The following LHFPL3 variants were observed in gnomAD, a reference collection of about 807,000 sequenced individuals.
The protein encoded by LHFPL3 is LHFPL tetraspan subfamily member 3 protein.
Under a neutral mutation model 19.3 loss-of-function variants are expected in LHFPL3, and 5 were observed. The observed-to-expected ratio is 0.26, with a 90% confidence interval of 0.14 to 0.54. The LOEUF (loss-of-function observed/expected upper bound fraction) is 0.54, where lower values mean the gene tolerates loss of function less well. Among genes scored for constraint, LHFPL3 ranks in the 20% least tolerant of loss-of-function variants. LHFPL3 has a pLI of 0.94. For missense variants in LHFPL3, 249 were observed against 307.4 expected (o/e 0.81, Z 1.42); for synonymous variants, 133 against 126.2 (o/e 1.05, Z -0.36).
At chr7:104,364,463 G>A (rs1017926446) in intron 1 of LHFPL3, among the ~76,000 whole-genome samples, 1 of 152,208 alleles carries the variant, frequency 6.6e-6, no homozygotes, top group African/African-American at 2.4e-5. Flanking sequence ...TTGCAAAGCT[G>A]GCAGTAGAAG....
intron 1 of LHFPL3, among the ~76,000 whole-genome samples, chr7:104,591,883 A>G (rs1245495238): frequency 6.6e-6 from 1 of 152,166 alleles, no homozygotes; most frequent in Non-Finnish European, 1.5e-5. Context: ...AATCACTGAT[A>G]CCCTTTCTTC....
chr7:104,651,339 C>A (rs1022209973), intron 1 of LHFPL3, among the ~76,000 whole-genome samples: 5 of 152,172 alleles, frequency 3.3e-5, no homozygotes, highest in South Asian at 2.1e-4. Flanking sequence ...GATTTTAAAC[C>A]TTAGGATAGC....
chr7:104,723,228 C>T (rs1365541708), intron 1 of LHFPL3, among the ~76,000 whole-genome samples: 2 of 152,106 alleles, frequency 1.3e-5, no homozygotes, highest in African/African-American at 4.8e-5. Context: ...GCATCAGTAG[C>T]CTCTACACAG....
intron 1 of LHFPL3, among the ~76,000 whole-genome samples, chr7:104,439,432 T>C (rs1394077569): frequency 2.0e-5 from 3 of 152,084 alleles, no homozygotes; most frequent in Non-Finnish European, 4.4e-5. Flanking sequence ...ATATATATAG[T>C]ATATATACAC....
At chr7:104,407,611 G>T (rs1295469885) in intron 1 of LHFPL3, among the ~76,000 whole-genome samples, 3 of 152,196 alleles carry the variant, frequency 2.0e-5, no homozygotes, top group African/African-American at 7.2e-5. Flanking sequence ...AGCTGAGATT[G>T]CGCCATTGCA....
intron 2 of LHFPL3, among the ~76,000 whole-genome samples, chr7:104,824,051 CA>C (rs1461379231): frequency 7.1e-4 from 100 of 140,388 alleles, no homozygotes; most frequent in African/African-American, 1.1e-3. Flanking sequence ...GAGGCTGAGG[CA>C]GGGGAATCAC....
intron 2 of LHFPL3, chr7:104,803,477 G>A (rs1250468446): frequency 6.6e-6 from 1 of 152,142 alleles, no homozygotes; most frequent in Non-Finnish European, 1.5e-5. Context: ...AACTCCTAAA[G>A]GGCAAGAACC....
chr7:104,596,030 C>A (rs1332009686), intron 1 of LHFPL3, among the ~76,000 whole-genome samples: 1 of 152,232 alleles, frequency 6.6e-6, no homozygotes, highest in Admixed American at 6.5e-5. Context: ...TGAGACAATA[C>A]CCCACCCTGC....
intron 1 of LHFPL3, among the ~76,000 whole-genome samples, chr7:104,405,064 G>A (rs979544423): frequency 6.6e-6 from 1 of 152,126 alleles, no homozygotes; most frequent in African/African-American, 2.4e-5. Flanking sequence ...GAAGTATTTG[G>A]ATGAGTGTGT....
At chr7:104,690,463 T>C (rs981876967) in intron 1 of LHFPL3, among the ~76,000 whole-genome samples, 1 of 152,338 alleles carries the variant, frequency 6.6e-6, no homozygotes, top group East Asian at 1.9e-4. Flanking sequence ...TTCCCTTCCA[T>C]AAGATATCAC....
At chr7:104,875,488 T>C (rs2116669516) in intron 2 of LHFPL3, among the ~76,000 whole-genome samples, 1 of 152,314 alleles carries the variant, frequency 6.6e-6, no homozygotes, top group East Asian at 1.9e-4. Flanking sequence ...TCTGGGTGAA[T>C]TACTCATAGT....
intron 2 of LHFPL3, among the ~76,000 whole-genome samples, chr7:104,873,640 A>G (rs538442957): frequency 1.3e-5 from 2 of 151,620 alleles, no homozygotes; most frequent in South Asian, 2.1e-4. Flanking sequence ...AAAAGGAAAG[A>G]AAAAAAAACT....
intron 1 of LHFPL3, among the ~76,000 whole-genome samples, chr7:104,580,397 CA>C (rs1790436334): frequency 6.6e-6 from 1 of 152,154 alleles, no homozygotes; most frequent in African/African-American, 2.4e-5. Context: ...ATGTACTTGC[CA>C]CCTAGATTCT....
At position 104,578,698 on chromosome 7, in the gene LHFPL3, G is replaced by A. The variant is rs192756062; in HGVS notation, c.446-157977G>A. Among the ~76,000 whole-genome samples the A allele has an allele frequency of 3.3e-5, 5 of 152,162 alleles. No homozygotes were observed. In the East Asian group the frequency reaches 7.7e-4, roughly 24 times the overall value. On this transcript the variant is annotated intron_variant, in intron 1 of 2. Transcript: ENST00000424859. ...CTACCGTGATAGATTGTGCTTGACA[G>A]TACCCCCCTACCCCCAACCAGTAAG...
rs142676283 is a variant in LHFPL3, at chr7:104,526,627, A to G, written c.445+197403A>G. On this transcript the variant is annotated intron_variant, in intron 1 of 2. Coordinates refer to ENST00000424859, the MANE Select transcript of LHFPL3 (RefSeq NM_199000.3). Reference sequence around the variant, plus strand: ...GCATTTCTTCAAAATAGTGATGAACAATCATATTGACTTAAGAAATGTTAC... The same window carrying G: ...GCATTTCTTCAAAATAGTGATGAACGATCATATTGACTTAAGAAATGTTAC... 6.3e-3 allele frequency among the ~76,000 whole-genome samples: 965 copies of G among 152,328 alleles called. 12 individuals are homozygous for G. Among genetic ancestry groups the G allele is most frequent in the African/African-American group, 0.021 (888 of 41,578 alleles).
At chr7:104,843,880 A>G (rs988810966) in intron 2 of LHFPL3, among the ~76,000 whole-genome samples, 2 of 152,188 alleles carry the variant, frequency 1.3e-5, no homozygotes, top group Non-Finnish European at 2.9e-5. Flanking sequence ...ATGTTTTTAA[A>G]TAAGATCTGT....
rs552913990 is a variant in LHFPL3 at position 104,470,215 on chromosome 7, T to C, written c.445+140991T>C. Among the ~76,000 whole-genome samples the C allele has an allele frequency of 3.3e-5, 5 of 152,322 alleles. No homozygotes were observed. In the South Asian group the frequency reaches 1.0e-3, roughly 32 times the overall value. ...AAAAGCAAGAAATGGAAAAAAATGA[T>C]CAGTCAAAATGGCTTTAAGCCTAAC... On this transcript the variant is annotated intron_variant, in intron 1 of 2. Transcript: ENST00000424859.
intron 1 of LHFPL3, among the ~76,000 whole-genome samples, chr7:104,722,395 C>A (rs1231405533): frequency 6.6e-6 from 1 of 152,248 alleles, no homozygotes; most frequent in East Asian, 1.9e-4. Context: ...ATTTTCTTTT[C>A]TCCTCTATCT....
intron 1 of LHFPL3, among the ~76,000 whole-genome samples, chr7:104,485,583 C>G (rs1455940099): frequency 1.3e-5 from 2 of 152,114 alleles, no homozygotes; most frequent in African/African-American, 2.4e-5. Context: ...TGTATTTTCC[C>G]TTGATGCTCT....
Sources: allele counts gnomAD v4.1 joint callset (sites outside exome capture counted in the v4.1 genomes callset), GRCh38; gene constraint gnomAD v4.1.1; transcripts MANE v1.5; gene names NCBI Gene and HGNC (gene_info 2026-07-23, HGNC 2026-07-21).